The following ZBTB5 variants were observed in gnomAD, a reference collection of about 807,000 sequenced individuals.
ZBTB5 encodes the protein zinc finger and BTB domain containing 5.
ZBTB5 carries 15 observed loss-of-function variants against 37.9 expected under a neutral mutation model. The observed-to-expected ratio is 0.40, with a 90% CI of 0.26 to 0.61. The LOEUF (loss-of-function observed/expected upper bound fraction) is 0.61. Ranked by LOEUF, ZBTB5 falls within the 20% of genes least tolerant of loss-of-function variation. ZBTB5 has a pLI of 0.47. For missense variants in ZBTB5, 708 were observed against 856.8 expected (o/e 0.83, Z 2.17); for synonymous variants, 315 against 312.4 (o/e 1.01, Z -0.09).
chr9:37,456,028 C>A (rs1468743757), intron 1 of ZBTB5, among the ~76,000 whole-genome samples: 1 of 151,920 alleles, frequency 6.6e-6, no homozygotes. Context: ...CGGTTCACTG[C>A]AGCCTTGACC....
chr9:37,452,212 T>C (rs1588780376), intron 1 of ZBTB5, among the ~76,000 whole-genome samples: 3 of 152,250 alleles, frequency 2.0e-5, no homozygotes, highest in Admixed American at 2.0e-4. Flanking sequence ...TTCGCTGTCA[T>C]TAATTTTCTC....
At position 37,448,520 on chromosome 9, in the gene ZBTB5, CAT is replaced by C. The variant is rs1824037029; in HGVS notation, c.-4-5967_-4-5966del. ...ATTAATCCATGTGACTTTGGAAATG[CAT>C]AGTTTTACTGAGTAAGAGGTGATCT... On this transcript the variant is annotated intron_variant, in intron 1 of 1. Coordinates refer to ENST00000307750, the MANE Select transcript of ZBTB5 (RefSeq NM_014872.3). Among the ~76,000 whole-genome samples the C allele has an allele frequency of 4.0e-5, 6 of 150,376 alleles. 1 individual carries two copies. The South Asian group carries it at 1.3e-3, about 32-fold the overall frequency.
rs1588770855 is a variant in ZBTB5, at chr9:37,438,226, A to G, written c.*2292T>C. On this transcript the variant is annotated 3_prime_UTR_variant, in exon 2 of 2. Transcript: ENST00000307750. ...GAACTTTATGATCTGTTCACCAGAAAAGATTCTACATGATCACGCCAGACT... is the reference window on the plus strand; with the variant it reads ...GAACTTTATGATCTGTTCACCAGAAGAGATTCTACATGATCACGCCAGACT... 1 of 152,774 alleles carries G rather than the reference A, an allele frequency of 6.5e-6. No homozygotes were observed. Among genetic ancestry groups the G allele is most frequent in the Non-Finnish European group, 1.5e-5 (1 of 68,040 alleles). The allele number at this position is 152,774 out of a possible 1,614,324, so 9.5% of individuals were successfully genotyped here. A position where few individuals can be genotyped will look rare whatever the true frequency, so the allele number is the denominator to read the frequency against.
chr9:37,441,654 C>T lies in ZBTB5; in HGVS notation c.898G>A (p.Asp300Asn). 1 of 1,613,812 alleles carries T rather than the reference C, an allele frequency of 6.2e-7. No homozygotes were observed. Among genetic ancestry groups the T allele is most frequent in the Non-Finnish European group, 8.5e-7 (1 of 1,179,974 alleles). The change falls in exon 2 of 2, where the codon GAT becomes AAT. Residue 300 changes from aspartate (D) to asparagine (N), a missense_variant. Around this residue, in one of 3 missense-constraint regions of ZBTB5, gnomAD observed 639 missense variants for 690.5 expected, o/e 0.93. Coordinates refer to ENST00000307750, the MANE Select transcript of ZBTB5 (RefSeq NM_014872.3). ...CTTTTCTCAGGTGCAGCTTCCTGAT[C>T]AAAACTAGTCTCAACCTGAGTTGCA... Reference protein sequence around the residue: ...SRATQVETSFDQEAAPEKSSF... With the variant: ...SRATQVETSFNQEAAPEKSSF...
chr9:37,464,186 T>C (rs1824345801), intron 1 of ZBTB5, among the ~76,000 whole-genome samples: 1 of 152,180 alleles, frequency 6.6e-6, no homozygotes, highest in African/African-American at 2.4e-5. Context: ...CAACAGCCCA[T>C]ACTAGGACAA....
chr9:37,453,777 A>G lies in ZBTB5; in HGVS notation c.-4-11222T>C, dbSNP rs530653713. On this transcript the variant is annotated intron_variant, in intron 1 of 1. Transcript: ENST00000307750. Reference sequence around the variant, plus strand: ...GACAATCACTTGGGTATGTGACCCAAGTTCTGCCAATGGAGTCTGCCTGTG... The same window carrying G: ...GACAATCACTTGGGTATGTGACCCAGGTTCTGCCAATGGAGTCTGCCTGTG... Among the ~76,000 whole-genome samples the G allele has an allele frequency of 9.2e-5, 14 of 152,304 alleles. No homozygotes were observed. In the South Asian group the frequency reaches 2.7e-3, roughly 29 times the overall value.
chr9:37,444,915 G>A (rs1823947849), intron 1 of ZBTB5, among the ~76,000 whole-genome samples: 1 of 152,130 alleles, frequency 6.6e-6, no homozygotes, highest in South Asian at 2.1e-4. Flanking sequence ...AGCAAAAGCA[G>A]TCAGACTGGA....
In ZBTB5 at chr9:37,459,696, C is replaced by T. The variant is rs527570416; in HGVS notation, c.-5+5519G>A. 4.2e-5 allele frequency among the ~76,000 whole-genome samples: 6 copies of T among 142,454 alleles called. No homozygotes were observed. The South Asian group carries it at 7.5e-4, about 18-fold the overall frequency. 93.5% of individuals were successfully genotyped at this position (142,454 alleles called of 152,430 possible). A position where few individuals can be genotyped will look rare whatever the true frequency, so the allele number is the denominator to read the frequency against. ...GAATAGCTGGGATTACAGGCGTGCACCACCATGCCCAGCTAATTTTTTTTT... is the reference window on the plus strand; with the variant it reads ...GAATAGCTGGGATTACAGGCGTGCATCACCATGCCCAGCTAATTTTTTTTT... On this transcript the variant is annotated intron_variant, in intron 1 of 1. Transcript: ENST00000307750.
chr9:37,440,452 T>C lies in ZBTB5; in HGVS notation c.*66A>G. ...CTGGAAGCCTCGAACCCAAAGGCAT[T>C]AACTGCTTACCAAAAGAAATTCAGT... On this transcript the variant is annotated 3_prime_UTR_variant, in exon 2 of 2. Transcript: ENST00000307750. 1.3e-6 allele frequency: 2 copies of C among 1,483,756 alleles called. No homozygotes were observed. Among genetic ancestry groups the C allele is most frequent in the East Asian group, 2.3e-5 (1 of 43,610 alleles). The allele number at this position is 1,483,756 out of a possible 1,614,324, so 91.9% of individuals were successfully genotyped here.
In ZBTB5 at chr9:37,438,335, G is replaced by A. The variant is rs1011725171; in HGVS notation, c.*2183C>T. ...AAACTACAGATCATAGGAACCCTGGGACTGGTTTTCCAGGGAACCCTGGAA... is the reference window on the plus strand; with the variant it reads ...AAACTACAGATCATAGGAACCCTGGAACTGGTTTTCCAGGGAACCCTGGAA... On this transcript the variant is annotated 3_prime_UTR_variant, in exon 2 of 2. Coordinates refer to ENST00000307750, the MANE Select transcript of ZBTB5 (RefSeq NM_014872.3). 2.0e-5 allele frequency: 3 copies of A among 152,536 alleles called. No homozygotes were observed. The highest frequency in any genetic ancestry group is 2.9e-5 in the Non-Finnish European group (2 of 68,028). 9.4% of individuals were successfully genotyped at this position (152,536 alleles called of 1,614,324 possible).
intron 1 of ZBTB5, among the ~76,000 whole-genome samples, chr9:37,462,669 T>G: frequency 1.3e-5 from 2 of 151,834 alleles, no homozygotes; most frequent in East Asian, 3.9e-4. Context: ...GCTCAAGCGA[T>G]TCTTCCGCCT....
intron 1 of ZBTB5, among the ~76,000 whole-genome samples, chr9:37,444,069 C>A (rs1362402715): frequency 6.6e-6 from 1 of 152,118 alleles, no homozygotes; most frequent in Non-Finnish European, 1.5e-5. Context: ...AGCAACAGAG[C>A]AAGGCCCTGT....
intron 1 of ZBTB5, among the ~76,000 whole-genome samples, chr9:37,447,740 C>T (rs1433269600): frequency 2.6e-5 from 4 of 151,676 alleles, no homozygotes; most frequent in Non-Finnish European, 1.5e-5. Flanking sequence ...AGACTGACTT[C>T]ACAAATAAAT....
intron 1 of ZBTB5, among the ~76,000 whole-genome samples, chr9:37,459,204 C>T (rs1824243739): frequency 6.6e-6 from 1 of 152,186 alleles, no homozygotes; most frequent in Non-Finnish European, 1.5e-5. Context: ...TCAGCCTGTA[C>T]TCCCAGCACT....
chr9:37,453,065 C>T (rs1392543277), intron 1 of ZBTB5, among the ~76,000 whole-genome samples: 1 of 152,224 alleles, frequency 6.6e-6, no homozygotes, highest in Non-Finnish European at 1.5e-5. Context: ...AAGGAATATT[C>T]TTGTATATTT....
chr9:37,443,244 G>A (rs1185821120), intron 1 of ZBTB5, among the ~76,000 whole-genome samples: 1 of 151,692 alleles, frequency 6.6e-6, no homozygotes, highest in Non-Finnish European at 1.5e-5. Context: ...CCAGGTACTC[G>A]GGAGGCTGAG....
intron 1 of ZBTB5, among the ~76,000 whole-genome samples, chr9:37,464,566 C>A (rs1824353768): frequency 6.6e-6 from 1 of 152,240 alleles, no homozygotes; most frequent in African/African-American, 2.4e-5. Context: ...TAATTCACTG[C>A]CTTTTATTAT....
intron 1 of ZBTB5, among the ~76,000 whole-genome samples, chr9:37,464,835 G>A (rs1043944998): frequency 1.2e-4 from 19 of 152,220 alleles, no homozygotes; most frequent in Admixed American, 7.2e-4. Context: ...CAAGACCCAG[G>A]ATGGGGGCAA....
Position 37,441,158 on chromosome 9 carries a change from T to C in ZBTB5, c.1394A>G (p.His465Arg). Residue 465 changes from histidine to arginine, a missense_variant, in exon 2 of 2, where the codon CAT becomes CGT. Physicochemically the swap from His to Arg is conservative, Grantham distance 29. Transcript: ENST00000307750. ...AGGPSSAPGS[H>R]VENPFSEPAD... is the part of the protein sequence containing the mutation. Reference sequence around the variant, plus strand: ...AGGTTCACTAAATGGGTTCTCTACATGGGAGCCAGGGGCAGAGGAGGGCCC... The same window carrying C: ...AGGTTCACTAAATGGGTTCTCTACACGGGAGCCAGGGGCAGAGGAGGGCCC... 6.2e-7 allele frequency: 1 copy of C among 1,613,962 alleles called. No individual in the cohort carries two copies. Among genetic ancestry groups the C allele is most frequent in the South Asian group, 1.1e-5 (1 of 91,064 alleles).
Sources: allele counts gnomAD v4.1 joint callset (sites outside exome capture counted in the v4.1 genomes callset), GRCh38; gene constraint gnomAD v4.1.1; regional missense constraint gnomAD v4.1.1; transcripts MANE v1.5; gene names NCBI Gene and HGNC (gene_info 2026-07-23, HGNC 2026-07-21).